Variants in THRB observed in about 807,000 individuals in gnomAD.
THRB encodes nuclear receptor subfamily 1 group A member 2.
THRB carries 12 observed loss-of-function variants against 47.8 expected under a neutral mutation model. That is an observed-to-expected ratio of 0.25 (90% confidence interval 0.16 to 0.41). The LOEUF (loss-of-function observed/expected upper bound fraction) is 0.41. THRB is among the 10% of genes least tolerant of loss of function. The pLI is 1.00. For synonymous variants in THRB, 218 were observed against 212.2 expected, an observed-to-expected ratio of 1.03 and a Z score of -0.24; for missense variants, 348 against 589.2, an observed-to-expected ratio of 0.59 and a Z score of 4.24.
intron 2 of THRB, among the ~76,000 whole-genome samples, chr3:24,304,838 A>G (rs2057228089): frequency 6.6e-6 from 1 of 152,172 alleles, no homozygotes; most frequent in Non-Finnish European, 1.5e-5. Context: ...TGCACACAAA[A>G]ATGAAAATGA....
At chr3:24,138,971 T>C (rs971054973) in intron 8 of THRB, among the ~76,000 whole-genome samples, 6 of 152,216 alleles carry the variant, frequency 3.9e-5, no homozygotes, top group Admixed American at 2.6e-4. Context: ...ATGATGTCAA[T>C]AGACAAGATT....
Position 24,385,438 on chromosome 3 carries a change from C to T in THRB, c.-260-48067G>A, listed in dbSNP as rs578148969. Among the ~76,000 whole-genome samples, 58 of 152,084 alleles carry T rather than the reference C, an allele frequency of 3.8e-4. 1 individual carries two copies. The highest frequency in any genetic ancestry group is 1.3e-3 in the African/African-American group (55 of 41,498). Reference sequence around the variant, plus strand: ...ACACACACACACACACACACACACACGCACGGCATTTGTGCATGCTGAAGG... The same window carrying T: ...ACACACACACACACACACACACACATGCACGGCATTTGTGCATGCTGAAGG... On this transcript the variant is annotated intron_variant, in intron 1 of 10. Transcript: ENST00000646209.
At chr3:24,383,592 CT>C (rs1189421184) in intron 1 of THRB, among the ~76,000 whole-genome samples, 3 of 152,190 alleles carry the variant, frequency 2.0e-5, no homozygotes, top group Admixed American at 2.0e-4. Flanking sequence ...TTAGTAGTAT[CT>C]TCATATCCTG....
intron 2 of THRB, among the ~76,000 whole-genome samples, chr3:24,313,506 G>A (rs2057900079): frequency 6.6e-6 from 1 of 151,996 alleles, no homozygotes; most frequent in African/African-American, 2.4e-5. Context: ...ATTTTAAAAA[G>A]CCCATTACCA....
chr3:24,201,579 C>T (rs1445960239), intron 4 of THRB, among the ~76,000 whole-genome samples: 1 of 152,192 alleles, frequency 6.6e-6, no homozygotes, highest in Non-Finnish European at 1.5e-5. Context: ...ATTTGTTAAA[C>T]ATGTGGTTAC....
chr3:24,489,240 C>CA (rs72133987), intron 1 of THRB, among the ~76,000 whole-genome samples: 7,018 of 137,962 alleles, frequency 0.051, 250 homozygotes, highest in East Asian at 0.21. Context: ...GACTCTGTCG[C>CA]AAAAAAAAAA....
intron 3 of THRB, among the ~76,000 whole-genome samples, chr3:24,296,717 G>A (rs928371724): frequency 6.6e-6 from 1 of 152,210 alleles, no homozygotes; most frequent in Non-Finnish European, 1.5e-5. Context: ...TGTGGAGGGT[G>A]ATCAGGAGTT....
intron 3 of THRB, among the ~76,000 whole-genome samples, chr3:24,250,198 AT>A (rs1444695565): frequency 6.6e-6 from 1 of 152,172 alleles, no homozygotes; most frequent in Non-Finnish European, 1.5e-5. Flanking sequence ...TATTAGATGC[AT>A]TTGTTCTTGC....
chr3:24,152,695 T>C (rs2037161434), intron 5 of THRB, among the ~76,000 whole-genome samples: 1 of 151,986 alleles, frequency 6.6e-6, no homozygotes, highest in South Asian at 2.1e-4. Context: ...TAGAAATAGC[T>C]CACACCTATA....
intron 1 of THRB, among the ~76,000 whole-genome samples, chr3:24,359,407 G>A (rs78623111): frequency 0.021 from 3,130 of 152,214 alleles, 42 homozygotes; most frequent in African/African-American, 0.038. Context: ...CAGGGAGGAG[G>A]CTGCATGGCC....
chr3:24,223,529 G>A (rs186511662), intron 4 of THRB, among the ~76,000 whole-genome samples: 2 of 152,124 alleles, frequency 1.3e-5, no homozygotes, highest in Non-Finnish European at 2.9e-5. Flanking sequence ...ATTTGTAAAT[G>A]GTTTGAAATA....
chr3:24,279,288 C>A (rs951945705), intron 3 of THRB, among the ~76,000 whole-genome samples: 1 of 152,148 alleles, frequency 6.6e-6, no homozygotes, highest in Non-Finnish European at 1.5e-5. Flanking sequence ...TATTGAAAAA[C>A]ACCTGGAAAG....
intron 1 of THRB, among the ~76,000 whole-genome samples, chr3:24,438,951 C>A (rs1388209588): frequency 6.6e-6 from 1 of 152,138 alleles, no homozygotes; most frequent in African/African-American, 2.4e-5. Context: ...TTAATGGAAA[C>A]ACATGAGGGA....
intron 3 of THRB, among the ~76,000 whole-genome samples, chr3:24,279,359 C>T (rs1476193593): frequency 6.6e-6 from 1 of 151,924 alleles, no homozygotes; most frequent in African/African-American, 2.4e-5. Flanking sequence ...TTCTCGGGCA[C>T]TCTCTCCTCA....
Position 24,152,424 on chromosome 3 carries a change from T to C in THRB, c.350A>G (p.Tyr117Cys), listed in dbSNP as rs1270859327. ...TTCACACGTGATACAGCGGTAGTGA[T>C]ACCCGGTGGCTTTGTCACCACACAC... ...CVVCGDKATGYHYRCITCEGC... is the reference protein window; with the variant it reads ...CVVCGDKATGCHYRCITCEGC... Residue 117 changes from tyrosine to cysteine, a missense_variant, in exon 6 of 11, where the codon TAT becomes TGT. Transcript: ENST00000646209. 2 of 1,613,422 alleles carry C rather than the reference T, an allele frequency of 1.2e-6. No homozygotes were observed.
intron 1 of THRB, among the ~76,000 whole-genome samples, chr3:24,373,171 A>G (rs569525800): frequency 2.2e-4 from 34 of 152,220 alleles, no homozygotes; most frequent in African/African-American, 7.9e-4. Flanking sequence ...AACCCCAACA[A>G]AGACCAAAGT....
At chr3:24,465,220 G>T (rs551671399) in intron 1 of THRB, among the ~76,000 whole-genome samples, 4 of 152,046 alleles carry the variant, frequency 2.6e-5, no homozygotes, top group African/African-American at 9.7e-5. Context: ...ATTTTGGGTC[G>T]ATGATTTTGC....
intron 4 of THRB, among the ~76,000 whole-genome samples, chr3:24,225,822 C>T (rs2047599554): frequency 6.6e-6 from 1 of 152,020 alleles, no homozygotes; most frequent in African/African-American, 2.4e-5. Context: ...TTTTTTACTT[C>T]CTTCTTTAAG....
intron 1 of THRB, among the ~76,000 whole-genome samples, chr3:24,346,956 T>TA (rs149079295): frequency 0.075 from 11,418 of 152,070 alleles, 1,377 homozygotes; most frequent in African/African-American, 0.26. Context: ...AGCCAACAAT[T>TA]ACAGAATACA....
Sources: gnomAD v4.1 joint callset for allele counts (sites outside exome capture counted in the v4.1 genomes callset) on GRCh38, gnomAD v4.1.1 for gene constraint, MANE v1.5 for transcripts, NCBI Gene and HGNC (gene_info 2026-07-23, HGNC 2026-07-21) for gene names.